MAP3K4: variants seen among roughly 807,000 people sequenced by gnomAD.
The protein encoded by MAP3K4 is mitogen-activated protein kinase kinase kinase 4.
Under a neutral mutation model 185.6 loss-of-function variants are expected in MAP3K4, and 67 were observed. The ratio of observed to expected loss-of-function variants is 0.36; its 90% CI spans 0.30 to 0.44. The LOEUF is 0.44. Among genes scored for constraint, MAP3K4 ranks in the 20% least tolerant of loss-of-function variants. MAP3K4 has a pLI of 1.00. For synonymous variants in MAP3K4, 702 were observed against 710.4 expected, an observed-to-expected ratio of 0.99 and a Z score of 0.19; for missense variants, 1,551 against 1,995.1, an observed-to-expected ratio of 0.78 and a Z score of 4.24.
chr6:161,036,571 T>C (rs1783173351), intron 2 of MAP3K4, among the ~76,000 whole-genome samples: 1 of 152,240 alleles, frequency 6.6e-6, no homozygotes, highest in South Asian at 2.1e-4. Context: ...TAATGTTTTA[T>C]GAACTTTTTT....
intron 1 of MAP3K4, among the ~76,000 whole-genome samples, chr6:161,019,619 G>A (rs150213480): frequency 0.03 from 4,593 of 152,186 alleles, 168 homozygotes; most frequent in African/African-American, 0.083. Flanking sequence ...ATGTTGGCTT[G>A]GCCGGTCTTG....
Position 161,086,784 on chromosome 6 carries a change from C to G in MAP3K4, c.2556+117C>G. The G allele has an allele frequency of 1.4e-6, 1 of 716,910 alleles. No homozygotes were observed. The highest frequency in any genetic ancestry group is 2.7e-5 in the East Asian group (1 of 37,050). 44.4% of individuals were successfully genotyped at this position (716,910 alleles called of 1,614,324 possible). A position where few individuals can be genotyped will look rare whatever the true frequency, so the allele number is the denominator to read the frequency against. On this transcript the variant is annotated intron_variant, in intron 9 of 26. Transcript: ENST00000392142. The surrounding 1 kb of genome is among the most constrained non-coding windows in gnomAD (Gnocchi z 4.8). ...ATATTACAGGCTCTGAAGGCTGTAC[C>G]ACAACCCCAGTTGTAAGACTGTCCT...
rs77347524 is a variant in MAP3K4 at position 161,002,050 on chromosome 6, G to GTT, written c.152+9987_152+9988dup. Among the ~76,000 whole-genome samples the GTT allele has an allele frequency of 8.3e-3, 937 of 112,300 alleles. 16 individuals carry two copies. Among genetic ancestry groups the GTT allele is most frequent in the African/African-American group, 0.027 (779 of 28,772 alleles). 73.7% of individuals were successfully genotyped at this position (112,300 alleles called of 152,430 possible). A position where few individuals can be genotyped will look rare whatever the true frequency, so the allele number is the denominator to read the frequency against. On this transcript the variant is annotated intron_variant, in intron 1 of 26. Transcript: ENST00000392142. ...CAGAAGCCATAGAAATAAGAAAAAG[G>GTT]TTTTTTTTTTTTTTTTTTTTTGGAT...
Position 161,112,827 on chromosome 6 carries a change from T to A in MAP3K4, c.4626+53T>A. On this transcript the variant is annotated intron_variant, in intron 25 of 26. Transcript: ENST00000392142. This position sits in a 1 kb window ranked among gnomAD's most constrained non-coding sequence, Gnocchi z 5.1. ...GCAACTTCAGAAGGGCACTGTGCAT[T>A]AACAGAACAGTAGTTATGGATTGAT... is the stretch of plus-strand genomic sequence containing the variant. 8.2e-7 allele frequency: 1 copy of A among 1,218,624 alleles called. No homozygotes were observed. The highest frequency in any genetic ancestry group is 1.1e-6 in the Non-Finnish European group (1 of 880,694). The allele number at this position is 1,218,624 out of a possible 1,614,324, so 75.5% of individuals were successfully genotyped here.
rs1273664909 is a variant in MAP3K4, at chr6:161,107,217, C to G, written c.4048+512C>G. 3.9e-5 allele frequency among the ~76,000 whole-genome samples: 6 copies of G among 152,098 alleles called. No homozygotes were observed. In the East Asian group the frequency reaches 1.2e-3, roughly 29 times the overall value. On this transcript the variant is annotated intron_variant, in intron 20 of 26. Coordinates refer to ENST00000392142, the MANE Select transcript of MAP3K4 (RefSeq NM_005922.4). The surrounding 1 kb of genome is among the most constrained non-coding windows in gnomAD (Gnocchi z 6.2). ...TCGTAAATTATGTGAGGGAAGAAGT[C>G]TTGTGTTTCAGATCCTTTCCCCACT... is the stretch of plus-strand genomic sequence containing the variant.
At chr6:161,089,007 T>TGCACACATACACAC (rs1785880979) in intron 10 of MAP3K4, among the ~76,000 whole-genome samples, 1 of 151,624 alleles carries the variant, frequency 6.6e-6, no homozygotes, top group Non-Finnish European at 1.5e-5. Context: ...CACACACACA[T>TGCACACATACACAC]GCACACATAC....
Position 161,091,970 on chromosome 6 carries a change from TC to T in MAP3K4, c.3136-39del, listed in dbSNP as rs1562533915. 2.0e-6 allele frequency: 3 copies of T among 1,538,340 alleles called. No individual in the cohort carries two copies. The highest frequency in any genetic ancestry group is 9.0e-7 in the Non-Finnish European group (1 of 1,112,532). On this transcript the variant is annotated intron_variant, in intron 12 of 26. Transcript: ENST00000392142. This position sits in a 1 kb window ranked among gnomAD's most constrained non-coding sequence, Gnocchi z 5.5. ...TATAGTGTGTGATATTATTTAATGA[TC>T]ATTTCCTTAATGTTGATATACATGA... is the stretch of plus-strand genomic sequence containing the variant.
At chr6:161,015,652 C>T (rs758513141) in intron 1 of MAP3K4, among the ~76,000 whole-genome samples, 8 of 152,046 alleles carry the variant, frequency 5.3e-5, no homozygotes, top group Non-Finnish European at 7.4e-5. Context: ...GGGGAGCCAG[C>T]GTGTGCAGAT....
At chr6:161,095,082 C>T (rs573409031) in intron 15 of MAP3K4, among the ~76,000 whole-genome samples, 49 of 152,170 alleles carry the variant, frequency 3.2e-4, no homozygotes, top group East Asian at 1.5e-3. Flanking sequence ...AAGGTAGTCC[C>T]GGGTAACATC....
At position 161,114,515 on chromosome 6, in the gene MAP3K4, CTG is replaced by C. The variant is rs1426802334; in HGVS notation, c.4627-604_4627-603del. 6.6e-6 allele frequency among the ~76,000 whole-genome samples: 1 copy of C among 152,160 alleles called. No individual in the cohort carries two copies. Among genetic ancestry groups the C allele is most frequent in the Non-Finnish European group, 1.5e-5 (1 of 68,024 alleles). On this transcript the variant is annotated intron_variant, in intron 25 of 26. Coordinates refer to ENST00000392142, the MANE Select transcript of MAP3K4 (RefSeq NM_005922.4). The surrounding 1 kb of genome is among the most constrained non-coding windows in gnomAD (Gnocchi z 4.3). ...TAAAATAGAAAGGCAGTTGTGATATCTGTGTTATTCCAGTAAAGCCACACATA... is the reference window on the plus strand; with the variant it reads ...TAAAATAGAAAGGCAGTTGTGATATCTGTTATTCCAGTAAAGCCACACATA...
At position 161,080,968 on chromosome 6, in the gene MAP3K4, G is replaced by A. The variant is rs1232092078; in HGVS notation, c.2185G>A (p.Glu729Lys). 2 of 1,614,028 alleles carry A rather than the reference G, an allele frequency of 1.2e-6. No homozygotes were observed. Among genetic ancestry groups the A allele is most frequent in the Non-Finnish European group, 1.7e-6 (2 of 1,180,010 alleles). ...TAGTTTAAAAAATCTGTTAGAAGAA[G>A]AATGGAATTTCACCAAAGAAATAAC... The part of the protein sequence containing the change: ...SHSLKNLLEE[E>K]WNFTKEITHY... Residue 729 changes from glutamate (E) to lysine (K), a missense_variant, in exon 6 of 27, where the codon GAA (glutamate) becomes AAA (lysine). Transcript: ENST00000392142. This position sits in a 1 kb window ranked among gnomAD's most constrained non-coding sequence, Gnocchi z 4.8.
chr6:161,037,145 G>A lies in MAP3K4; in HGVS notation c.343+2696G>A, dbSNP rs573658705. On this transcript the variant is annotated intron_variant, in intron 2 of 26. Transcript: ENST00000392142. This position sits in a 1 kb window ranked among gnomAD's most constrained non-coding sequence, Gnocchi z 4.2. ...ACAAGGTGGAAATGGGACGCCAGTG[G>A]TAGACAAGTGGGCCATTTTAATGTC... Among the ~76,000 whole-genome samples the A allele has an allele frequency of 4.4e-4, 67 of 152,308 alleles. 4 individuals carry two copies. The South Asian group carries it at 0.014, about 31-fold the overall frequency.
rs570377834 is a variant in MAP3K4, at chr6:161,022,678, A to G, written c.153-11581A>G. ...CAGTTATGGCCCAGACACTTGCAAGATGAGCCATCCTTTTCCCTACTCTGG... is the reference window on the plus strand; with the variant it reads ...CAGTTATGGCCCAGACACTTGCAAGGTGAGCCATCCTTTTCCCTACTCTGG... On this transcript the variant is annotated intron_variant, in intron 1 of 26. Coordinates refer to ENST00000392142, the MANE Select transcript of MAP3K4 (RefSeq NM_005922.4). This position sits in a 1 kb window ranked among gnomAD's most constrained non-coding sequence, Gnocchi z 4.2. 1.3e-5 allele frequency among the ~76,000 whole-genome samples: 2 copies of G among 152,292 alleles called. No homozygotes were observed. Among genetic ancestry groups the G allele is most frequent in the Admixed American group, 6.5e-5 (1 of 15,304 alleles).
Position 161,063,268 on chromosome 6 carries a change from T to C in MAP3K4, c.1708-7340T>C, listed in dbSNP as rs1784559257. Among the ~76,000 whole-genome samples the C allele has an allele frequency of 6.6e-6, 1 of 152,150 alleles. No individual in the cohort carries two copies. The highest frequency in any genetic ancestry group is 6.5e-5 in the Admixed American group (1 of 15,274). ...TTTTTATGATTTTCTTAATTTCTTTTAGTTTATTTCAGAAATCGGTCTACA... is the reference window on the plus strand; with the variant it reads ...TTTTTATGATTTTCTTAATTTCTTTCAGTTTATTTCAGAAATCGGTCTACA... On this transcript the variant is annotated intron_variant, in intron 3 of 26. Coordinates refer to ENST00000392142, the MANE Select transcript of MAP3K4 (RefSeq NM_005922.4). This position sits in a 1 kb window ranked among gnomAD's most constrained non-coding sequence, Gnocchi z 5.4.
chr6:161,003,276 T>C (rs1448620922), intron 1 of MAP3K4, among the ~76,000 whole-genome samples: 1 of 20,234 alleles, frequency 4.9e-5, no homozygotes, highest in East Asian at 3.3e-4. Flanking sequence ...CAAAAGCATA[T>C]TCTAAATTGT....
At chr6:161,032,606 T>A (rs9458103) in intron 1 of MAP3K4, among the ~76,000 whole-genome samples, 4,114 of 152,312 alleles carry the variant, frequency 0.027, 124 homozygotes, top group African/African-American at 0.072. Context: ...CAAACAGTGT[T>A]ATTAACCACT....
chr6:161,044,841 A>T (rs1783649199), intron 2 of MAP3K4, among the ~76,000 whole-genome samples: 1 of 152,126 alleles, frequency 6.6e-6, no homozygotes. Context: ...GAGAGAGGGA[A>T]CAAGAGAGAG....
At chr6:161,052,924 C>T (rs560496148) in intron 3 of MAP3K4, among the ~76,000 whole-genome samples, 4 of 152,282 alleles carry the variant, frequency 2.6e-5, no homozygotes, top group African/African-American at 9.6e-5. Context: ...GACTCGAAGC[C>T]TTTGCATTTA....
In MAP3K4 at chr6:161,048,993, A is replaced by G; in HGVS notation, c.721A>G (p.Lys241Glu). The change falls in exon 3 of 27, where the codon AAA becomes GAA. Residue 241 changes from lysine to glutamate, a missense_variant. Physicochemically the swap from Lys to Glu is moderately conservative, Grantham distance 56 (BLOSUM62 1). This residue lies in a region of MAP3K4 where 69 missense variants were observed against 124.8 expected (regional missense o/e 0.55). Transcript: ENST00000392142. This position sits in a 1 kb window ranked among gnomAD's most constrained non-coding sequence, Gnocchi z 4.7. ...GCTAAAGCTTACCTCAGTCTCAAAG[A>G]AAAAAGACAGGGAGCAAAGAGGACA... The part of the protein sequence containing the change: ...LLLKLTSVSK[K>E]KDREQRGQEN... 6.2e-7 allele frequency: 1 copy of G among 1,614,078 alleles called. No homozygotes were observed. The highest frequency in any genetic ancestry group is 8.5e-7 in the Non-Finnish European group (1 of 1,179,960).
Sources: allele counts gnomAD v4.1 joint callset (sites outside exome capture counted in the v4.1 genomes callset), GRCh38; gene constraint gnomAD v4.1.1; regional missense constraint gnomAD v4.1.1; non-coding constraint Gnocchi (gnomAD v3.1); transcripts MANE v1.5; gene names NCBI Gene and HGNC (gene_info 2026-07-23, HGNC 2026-07-21).